STXBP3: variants seen among roughly 807,000 people sequenced by gnomAD.
STXBP3 encodes the protein syntaxin-binding protein 3.
A neutral mutation model predicts 85.7 loss-of-function variants in STXBP3; 41 were observed. That is an observed-to-expected ratio of 0.48 (90% CI 0.37 to 0.62). STXBP3 has a LOEUF of 0.62. Among genes scored for constraint, STXBP3 ranks in the 20% least tolerant of loss-of-function variants. STXBP3 has a pLI of 0.00. For missense variants in STXBP3, 563 were observed against 703.1 expected (o/e 0.80, Z 2.25); for synonymous variants, 229 against 231.7 (o/e 0.99, Z 0.10).
At chr1:108,750,472 A>C (rs576356433) in intron 1 of STXBP3, among the ~76,000 whole-genome samples, 2 of 152,190 alleles carry the variant, frequency 1.3e-5, no homozygotes. Context: ...TCTCAATCAC[A>C]ATACAACCTT....
chr1:108,804,720 A>G (rs1012494012), intron 17 of STXBP3, among the ~76,000 whole-genome samples: 1 of 152,170 alleles, frequency 6.6e-6, no homozygotes, highest in Admixed American at 6.5e-5. Context: ...TATGATTAAT[A>G]CCTAAGACTC....
At position 108,782,433 on chromosome 1, in the gene STXBP3, A is replaced by T. The variant is rs199558647; in HGVS notation, c.821A>T (p.Asp274Val). The change falls in exon 10 of 19, where the codon GAT (aspartate) becomes GTT (valine). Residue 274 changes from aspartate (D) to valine (V), a missense_variant. Physicochemically the swap from Asp to Val is radical, Grantham distance 152. Around this residue, in one of 3 missense-constraint regions of STXBP3, gnomAD observed 494 missense variants for 592.8 expected, o/e 0.83. Coordinates refer to ENST00000370008, the MANE Select transcript of STXBP3 (RefSeq NM_007269.4). ...IENDTYKYKT[D>V]GKEKEAILEE... ...CTGTCTACTTGTAGATATAAAACAG[A>T]TGGAAAAGAAAAGGAGGCCATCCTT... is the stretch of plus-strand genomic sequence containing the variant. 6.2e-7 allele frequency: 1 copy of T among 1,612,716 alleles called. No individual in the cohort carries two copies. The highest frequency in any genetic ancestry group is 2.2e-5 in the East Asian group (1 of 44,814).
At chr1:108,752,519 A>G (rs1489239264) in intron 2 of STXBP3, among the ~76,000 whole-genome samples, 1 of 152,170 alleles carries the variant, frequency 6.6e-6, no homozygotes, top group Non-Finnish European at 1.5e-5. Flanking sequence ...TTTGGTATAC[A>G]CAGGGGTCCT....
chr1:108,774,868 C>T (rs954200193), intron 7 of STXBP3, among the ~76,000 whole-genome samples: 3 of 151,864 alleles, frequency 2.0e-5, no homozygotes, highest in East Asian at 1.9e-4. Context: ...TGATTGGTTA[C>T]GTTCAGGGAA....
At chr1:108,774,310 A>G (rs1662541359) in intron 7 of STXBP3, among the ~76,000 whole-genome samples, 1 of 152,204 alleles carries the variant, frequency 6.6e-6, no homozygotes, top group Non-Finnish European at 1.5e-5. Context: ...AAATGAATTA[A>G]TATCTGTAAA....
At chr1:108,764,220 C>T (rs1049150974) in intron 6 of STXBP3, among the ~76,000 whole-genome samples, 20 of 152,046 alleles carry the variant, frequency 1.3e-4, no homozygotes, top group Non-Finnish European at 2.8e-4. Flanking sequence ...TAATCTCATT[C>T]TTTTTTATGG....
intron 11 of STXBP3, among the ~76,000 whole-genome samples, chr1:108,787,493 GAACAAC>G (rs1255256829): frequency 2.0e-5 from 3 of 151,570 alleles, no homozygotes; most frequent in African/African-American, 7.3e-5. Context: ...AAACAAAACA[GAACAAC>G]AACAACAACA....
At chr1:108,776,081 T>C (rs1467698679) in intron 7 of STXBP3, among the ~76,000 whole-genome samples, 1 of 152,096 alleles carries the variant, frequency 6.6e-6, no homozygotes, top group African/African-American at 2.4e-5. Flanking sequence ...ACTGCAACTT[T>C]ACATGTAATA....
At chr1:108,752,968 T>C (rs1661935441) in intron 2 of STXBP3, 95 bp from the exon 3 acceptor site, 2 of 885,104 alleles carry the variant, frequency 2.3e-6, no homozygotes, top group African/African-American at 3.5e-5. Context: ...TATTTTGTGT[T>C]ATAAAAGGCT....
intron 17 of STXBP3, among the ~76,000 whole-genome samples, chr1:108,803,536 C>T (rs1663272443): frequency 6.6e-6 from 1 of 151,960 alleles, no homozygotes; most frequent in Non-Finnish European, 1.5e-5. Context: ...TCATCCAGGC[C>T]GCAGTGCAGT....
intron 7 of STXBP3, among the ~76,000 whole-genome samples, chr1:108,775,938 CACACACACACACACAT>C (rs1458197408): frequency 6.6e-6 from 1 of 151,620 alleles, no homozygotes; most frequent in Non-Finnish European, 1.5e-5. Flanking sequence ...CACACACACA[CACACACACACACACAT>C]ACATATGAAA....
chr1:108,789,307 C>T (rs1240372389), intron 11 of STXBP3, among the ~76,000 whole-genome samples: 1 of 152,072 alleles, frequency 6.6e-6, no homozygotes, highest in Non-Finnish European at 1.5e-5. Flanking sequence ...TTTCTTAAAA[C>T]ATTATGAGAT....
intron 11 of STXBP3, among the ~76,000 whole-genome samples, chr1:108,785,356 C>A (rs1372200978): frequency 6.6e-6 from 1 of 152,172 alleles, no homozygotes; most frequent in Admixed American, 6.5e-5. Context: ...ACGTGTAAGC[C>A]ACCAGCTTGC....
intron 18 of STXBP3, 29 bp from the exon 19 acceptor site, chr1:108,808,754 C>A: frequency 3.9e-6 from 6 of 1,541,026 alleles, no homozygotes; most frequent in Non-Finnish European, 5.4e-6. Context: ...AACTGCTGGC[C>A]TCTGAAAAAT....
At chr1:108,805,525 A>G (rs1169364358) in intron 17 of STXBP3, among the ~76,000 whole-genome samples, 1 of 151,288 alleles carries the variant, frequency 6.6e-6, no homozygotes, top group African/African-American at 2.4e-5. Flanking sequence ...CCCAGGTTCA[A>G]GCGATTCTTC....
chr1:108,798,372 G>T (rs964247645), intron 16 of STXBP3, 135 bp downstream of exon 16: 1 of 385,426 alleles, frequency 2.6e-6, no homozygotes. Flanking sequence ...TCACAAAAAA[G>T]CCTGTATCTG....
At position 108,809,173 on chromosome 1, in the gene STXBP3, A is replaced by G. The variant is rs1183533264; in HGVS notation, c.*296A>G. ...TGTGGGTAATTTTTCACAGCCACCT[A>G]TGTACATACTAATTACCCATTGGAT... On this transcript the variant is annotated 3_prime_UTR_variant, in exon 19 of 19. Transcript: ENST00000370008. 1.3e-5 allele frequency: 3 copies of G among 231,680 alleles called. No homozygotes were observed. Among genetic ancestry groups the G allele is most frequent in the Non-Finnish European group, 2.5e-5 (3 of 120,860 alleles). The allele number at this position is 231,680 out of a possible 1,614,324, so 14.4% of individuals were successfully genotyped here. A position where few individuals can be genotyped will look rare whatever the true frequency, so the allele number is the denominator to read the frequency against.
chr1:108,759,774 G>T (rs982240446), intron 5 of STXBP3, among the ~76,000 whole-genome samples: 5 of 152,176 alleles, frequency 3.3e-5, no homozygotes, highest in Non-Finnish European at 5.9e-5. Flanking sequence ...TGTGGTGGAT[G>T]TGAATGGGAA....
intron 7 of STXBP3, among the ~76,000 whole-genome samples, chr1:108,774,119 T>C (rs75034879): frequency 6.6e-6 from 1 of 152,312 alleles, no homozygotes; most frequent in South Asian, 2.1e-4. Context: ...TGATATTTTT[T>C]GTTTTTGACT....
Sources: gnomAD v4.1 joint callset for allele counts (sites outside exome capture counted in the v4.1 genomes callset) on GRCh38, gnomAD v4.1.1 for gene constraint, gnomAD v4.1.1 regional missense constraint, MANE v1.5 for transcripts, NCBI Gene and HGNC (gene_info 2026-07-23, HGNC 2026-07-21) for gene names.